The following RTN1 variants were observed in gnomAD, a reference collection of about 807,000 sequenced individuals.
RTN1 encodes reticulon 1, also known as reticulon-1.
A neutral mutation model predicts 65.5 loss-of-function variants in RTN1; 25 were observed. The ratio of observed to expected loss-of-function variants is 0.38; its 90% CI spans 0.28 to 0.53. The LOEUF (loss-of-function observed/expected upper bound fraction) is 0.53. Among genes scored for constraint, RTN1 ranks in the 20% least tolerant of loss-of-function variants. RTN1 has a pLI of 0.79. For synonymous variants in RTN1, 471 were observed against 447.6 expected (o/e 1.05, Z -0.66); for missense variants, 983 against 1,025.4 (o/e 0.96, Z 0.57).
At chr14:59,728,321 A>G (rs1055430296) in intron 2 of RTN1, among the ~76,000 whole-genome samples, 5 of 147,674 alleles carry the variant, frequency 3.4e-5, no homozygotes, top group Admixed American at 6.8e-5. Context: ...CAATTCCACC[A>G]AGCAGGCTGT....
intron 3 of RTN1, among the ~76,000 whole-genome samples, chr14:59,708,731 G>T (rs950051050): frequency 6.6e-6 from 1 of 152,204 alleles, no homozygotes; most frequent in Non-Finnish European, 1.5e-5. Context: ...CACTGAATCT[G>T]AGGGGTAGAG....
chr14:59,816,606 C>T lies in RTN1; in HGVS notation c.241+53784G>A, dbSNP rs1435280258. Reference sequence around the variant, plus strand: ...TCCAAGATAAAATTAAGATGGGGTTCAGGGATGAGAAGTGGGGAGGATCAT... The same window carrying T: ...TCCAAGATAAAATTAAGATGGGGTTTAGGGATGAGAAGTGGGGAGGATCAT... On this transcript the variant is annotated intron_variant, in intron 1 of 8. Transcript: ENST00000267484. The surrounding 1 kb of genome is among the most constrained non-coding windows in gnomAD (Gnocchi z 4.3). Among the ~76,000 whole-genome samples, 1 of 152,086 alleles carries T rather than the reference C, an allele frequency of 6.6e-6. No individual in the cohort carries two copies. Among genetic ancestry groups the T allele is most frequent in the African/African-American group, 2.4e-5 (1 of 41,422 alleles).
intron 3 of RTN1, chr14:59,647,079 T>A (rs1013719639): frequency 2.6e-5 from 4 of 152,436 alleles, no homozygotes; most frequent in Non-Finnish European, 5.9e-5. Context: ...TGCAGTGACA[T>A]CCATATGCTC....
At chr14:59,635,647 A>G (rs1018535274) in intron 3 of RTN1, among the ~76,000 whole-genome samples, 1 of 152,208 alleles carries the variant, frequency 6.6e-6, no homozygotes, top group African/African-American at 2.4e-5. Flanking sequence ...TGTCAGCGGA[A>G]AAGAAAATAA....
At chr14:59,640,679 T>C (rs1882758380) in intron 3 of RTN1, among the ~76,000 whole-genome samples, 1 of 152,196 alleles carries the variant, frequency 6.6e-6, no homozygotes, top group African/African-American at 2.4e-5. Flanking sequence ...CATCATCTTA[T>C]GTTTTTTAAC....
chr14:59,861,802 T>C (rs1228759361), intron 1 of RTN1, among the ~76,000 whole-genome samples: 1 of 152,236 alleles, frequency 6.6e-6, no homozygotes, highest in Non-Finnish European at 1.5e-5. Flanking sequence ...TTCATTCTTT[T>C]CTTTTGGATA....
chr14:59,603,669 A>G (rs1881650914), intron 6 of RTN1, 183 bp downstream of exon 6: 1 of 368,988 alleles, frequency 2.7e-6, no homozygotes, highest in South Asian at 6.8e-5. Context: ...ATTCATTATT[A>G]GTGTATAATA....
chr14:59,749,811 A>G (rs1358513382), intron 1 of RTN1, among the ~76,000 whole-genome samples: 1 of 113,792 alleles, frequency 8.8e-6, no homozygotes, highest in Non-Finnish European at 1.6e-5. Flanking sequence ...ATATATATCT[A>G]TATGTATATT....
chr14:59,701,673 G>A (rs1277166162), intron 3 of RTN1, among the ~76,000 whole-genome samples: 2 of 152,070 alleles, frequency 1.3e-5, no homozygotes, highest in Admixed American at 6.6e-5. Flanking sequence ...TGGTTGCCAG[G>A]GACTGTGGGA....
intron 3 of RTN1, among the ~76,000 whole-genome samples, chr14:59,672,929 C>T (rs192133470): frequency 1.4e-3 from 220 of 152,244 alleles, no homozygotes; most frequent in African/African-American, 4.8e-3. Flanking sequence ...CGTGAGCCAC[C>T]GCGCCCGGCC....
At chr14:59,632,692 A>G (rs374284349) in intron 3 of RTN1, among the ~76,000 whole-genome samples, 51 of 152,310 alleles carry the variant, frequency 3.3e-4, no homozygotes, top group African/African-American at 1.1e-3. Flanking sequence ...TATAGTGTGT[A>G]TGGTGAATAC....
At chr14:59,684,602 A>G (rs546178320) in intron 3 of RTN1, among the ~76,000 whole-genome samples, 3 of 152,204 alleles carry the variant, frequency 2.0e-5, no homozygotes, top group South Asian at 4.1e-4. Flanking sequence ...ACTTTTCTTC[A>G]TGCTTTATAG....
At position 59,870,712 on chromosome 14, in the gene RTN1, C is replaced by A; in HGVS notation, c.-82G>T. On this transcript the variant is annotated 5_prime_UTR_variant, in exon 1 of 9. Coordinates refer to ENST00000267484, the MANE Select transcript of RTN1 (RefSeq NM_021136.3). This position sits in a 1 kb window ranked among gnomAD's most constrained non-coding sequence, Gnocchi z 5.1. The stretch of plus-strand genomic sequence containing the variant: ...TGCGCGGGCGCTCCCTGCTGCTGTC[C>A]CCGGAGGGACTCGGCGCTCAGGGAA... 7.9e-7 allele frequency: 1 copy of A among 1,264,070 alleles called. No individual in the cohort carries two copies. Among genetic ancestry groups the A allele is most frequent in the South Asian group, 2.6e-5 (1 of 37,750 alleles). The allele number at this position is 1,264,070 out of a possible 1,614,324, so 78.3% of individuals were successfully genotyped here. A position where few individuals can be genotyped will look rare whatever the true frequency, so the allele number is the denominator to read the frequency against.
intron 3 of RTN1, among the ~76,000 whole-genome samples, chr14:59,715,080 T>A (rs1884506135): frequency 6.6e-6 from 1 of 152,190 alleles, no homozygotes; most frequent in South Asian, 2.1e-4. Context: ...AAAAACTGTC[T>A]TCCATGAAAC....
At chr14:59,722,167 C>T (rs1290402250) in intron 3 of RTN1, among the ~76,000 whole-genome samples, 1 of 152,130 alleles carries the variant, frequency 6.6e-6, no homozygotes, top group East Asian at 1.9e-4. Flanking sequence ...TGAGTGTTCA[C>T]ACTCAATGAC....
At chr14:59,796,012 A>T (rs1886432729) in intron 1 of RTN1, among the ~76,000 whole-genome samples, 1 of 152,224 alleles carries the variant, frequency 6.6e-6, no homozygotes, top group South Asian at 2.1e-4. Context: ...AAGATAAAAA[A>T]GAATGAGGTA....
In RTN1 at chr14:59,750,209, AAT is replaced by A. The variant is rs543075686; in HGVS notation, c.242-3730_242-3729del. ...TACATATATTATATCTATAATATAT[AAT>A]ATATATATTATATCTATAATATATA... On this transcript the variant is annotated intron_variant, in intron 1 of 8. Coordinates refer to ENST00000267484, the MANE Select transcript of RTN1 (RefSeq NM_021136.3). Among the ~76,000 whole-genome samples the A allele has an allele frequency of 5.2e-3, 150 of 28,994 alleles. 5 individuals carry two copies. Among genetic ancestry groups the A allele is most frequent in the Admixed American group, 0.011 (14 of 1,314 alleles). The allele number at this position is 28,994 out of a possible 152,430, so 19.0% of individuals were successfully genotyped here.
chr14:59,719,094 A>T (rs1305128542), intron 3 of RTN1, among the ~76,000 whole-genome samples: 1 of 152,166 alleles, frequency 6.6e-6, no homozygotes, highest in Non-Finnish European at 1.5e-5. Flanking sequence ...AAAGAATGCA[A>T]AGGAGGTCAT....
chr14:59,600,176 G>A (rs1881535591), intron 8 of RTN1, among the ~76,000 whole-genome samples: 1 of 152,110 alleles, frequency 6.6e-6, no homozygotes, highest in South Asian at 2.1e-4. Context: ...CAGTATGGAG[G>A]AGAGACTGGC....
Sources: allele counts gnomAD v4.1 joint callset (sites outside exome capture counted in the v4.1 genomes callset), GRCh38; gene constraint gnomAD v4.1.1; non-coding constraint Gnocchi (gnomAD v3.1); transcripts MANE v1.5; gene names NCBI Gene and HGNC (gene_info 2026-07-23, HGNC 2026-07-21).